SORCS3: variants seen among roughly 807,000 people sequenced by gnomAD.
SORCS3 encodes the protein sortilin related VPS10 domain containing receptor 3, also known as VPS10 domain-containing receptor SorCS3.
A neutral mutation model predicts 146.3 loss-of-function variants in SORCS3; 57 were observed. The ratio of observed to expected loss-of-function variants is 0.39; its 90% CI spans 0.31 to 0.49. SORCS3 has a LOEUF of 0.49. Ranked by LOEUF, SORCS3 falls within the 20% of genes least tolerant of loss-of-function variation. The probability of loss-of-function intolerance (pLI) is 0.92; values close to 1 mark genes in which losing one functional copy is unlikely to be tolerated. For synonymous variants in SORCS3, 653 were observed against 618.5 expected (o/e 1.06, Z -0.83); for missense variants, 1,341 against 1,575.5 (o/e 0.85, Z 2.52).
intron 18 of SORCS3, among the ~76,000 whole-genome samples, chr10:105,216,402 T>TGAAACCA (rs558866077): frequency 3.0e-4 from 45 of 152,222 alleles, no homozygotes; most frequent in African/African-American, 1.1e-3. Context: ...GCATTATTAT[T>TGAAACCA]GAAACCAGAC....
At chr10:104,905,101 C>T (rs773823302) in intron 2 of SORCS3, among the ~76,000 whole-genome samples, 7 of 152,174 alleles carry the variant, frequency 4.6e-5, no homozygotes, top group East Asian at 1.9e-4. Flanking sequence ...CCCTACTACT[C>T]GGGTCTGTTG....
intron 1 of SORCS3, among the ~76,000 whole-genome samples, chr10:104,838,812 C>T (rs1415814714): frequency 6.6e-6 from 1 of 152,022 alleles, no homozygotes; most frequent in African/African-American, 2.4e-5. Flanking sequence ...AGAAGATTTT[C>T]GAATCCTACT....
intron 1 of SORCS3, among the ~76,000 whole-genome samples, chr10:104,724,711 T>A (rs1199077892): frequency 6.6e-6 from 1 of 152,240 alleles, no homozygotes; most frequent in Non-Finnish European, 1.5e-5. Flanking sequence ...CTCTTCTTGC[T>A]TCATTTCATT....
intron 20 of SORCS3, among the ~76,000 whole-genome samples, chr10:105,227,693 C>G (rs1466179571): frequency 6.6e-6 from 1 of 151,996 alleles, no homozygotes; most frequent in African/African-American, 2.4e-5. Context: ...TTTAGATCAA[C>G]TAATATTTGC....
intron 22 of SORCS3, 38 bp from the exon 23 acceptor site, chr10:105,252,737 C>T (rs759247805): frequency 6.2e-7 from 1 of 1,612,694 alleles, no homozygotes; most frequent in Admixed American, 1.7e-5. Flanking sequence ...GGAGGGCTGG[C>T]TCCTCCACAG....
rs1170855568 is a variant in SORCS3, at chr10:105,242,452, ATATATATTTATATATT to A, written c.2869-3058_2869-3043del. 6.1e-3 allele frequency among the ~76,000 whole-genome samples: 476 copies of A among 77,870 alleles called. 2 individuals carry two copies. The highest frequency in any genetic ancestry group is 0.01 in the South Asian group (23 of 2,204). 51.1% of individuals were successfully genotyped at this position (77,870 alleles called of 152,430 possible). A position where few individuals can be genotyped will look rare whatever the true frequency, so the allele number is the denominator to read the frequency against. Reference sequence around the variant, plus strand: ...TTTATACATATATTTATATATATTTATATATATTTATATATTTATATATTTATATATTTATATATTT... The same window carrying A: ...TTTATACATATATTTATATATATTTATATATATTTATATATTTATATATTT... On this transcript the variant is annotated intron_variant, in intron 20 of 26. Coordinates refer to ENST00000369701, the MANE Select transcript of SORCS3 (RefSeq NM_014978.3).
chr10:104,691,615 G>A (rs1046865952), intron 1 of SORCS3, among the ~76,000 whole-genome samples: 2 of 152,168 alleles, frequency 1.3e-5, no homozygotes, highest in Non-Finnish European at 2.9e-5. Flanking sequence ...TCAAGACATG[G>A]AGCAGATGCT....
At chr10:105,115,963 C>G (rs550783410) in intron 7 of SORCS3, among the ~76,000 whole-genome samples, 190 of 152,216 alleles carry the variant, frequency 1.2e-3, no homozygotes, top group African/African-American at 4.4e-3. Flanking sequence ...CAAAAGAAAT[C>G]CAATGAAGAC....
rs994878570 is a variant in SORCS3 at position 105,156,777 on chromosome 10, A to G, written c.1483-361A>G. Reference sequence around the variant, plus strand: ...ACAGGCCTCTTCTGAGCAGAAAAACATGTTTGCTGGAAGGGGTAACTCCTT... The same window carrying G: ...ACAGGCCTCTTCTGAGCAGAAAAACGTGTTTGCTGGAAGGGGTAACTCCTT... On this transcript the variant is annotated intron_variant, in intron 9 of 26. Coordinates refer to ENST00000369701, the MANE Select transcript of SORCS3 (RefSeq NM_014978.3). Among the ~76,000 whole-genome samples, 3 of 152,102 alleles carry G rather than the reference A, an allele frequency of 2.0e-5. 1 individual carries two copies. Among genetic ancestry groups the G allele is most frequent in the Admixed American group, 2.0e-4 (3 of 15,274 alleles).
At chr10:105,044,635 A>G (rs566460695) in intron 5 of SORCS3, among the ~76,000 whole-genome samples, 2 of 152,000 alleles carry the variant, frequency 1.3e-5, no homozygotes, top group Admixed American at 6.6e-5. Flanking sequence ...CCACAAAACT[A>G]TGTTTAGATT....
intron 23 of SORCS3, among the ~76,000 whole-genome samples, chr10:105,254,370 C>G (rs1032418383): frequency 6.6e-6 from 1 of 152,206 alleles, no homozygotes; most frequent in Non-Finnish European, 1.5e-5. Flanking sequence ...GATAAAAGAG[C>G]AGTGAATTAG....
At chr10:104,849,131 C>T (rs1589522603) in intron 2 of SORCS3, among the ~76,000 whole-genome samples, 1 of 152,200 alleles carries the variant, frequency 6.6e-6, no homozygotes, top group South Asian at 2.1e-4. Context: ...AGAAAAACAG[C>T]CAGGCCTGGT....
intron 3 of SORCS3, among the ~76,000 whole-genome samples, chr10:104,960,925 A>C (rs1183149885): frequency 3.3e-5 from 5 of 152,196 alleles, no homozygotes; most frequent in Non-Finnish European, 5.9e-5. Flanking sequence ...GACAATCTGC[A>C]GTTCTTAAAT....
intron 3 of SORCS3, among the ~76,000 whole-genome samples, chr10:104,923,306 T>G (rs1169327976): frequency 2.0e-5 from 3 of 152,214 alleles, no homozygotes; most frequent in Non-Finnish European, 4.4e-5. Flanking sequence ...CTCATAGCTC[T>G]TAGTTATATG....
intron 20 of SORCS3, among the ~76,000 whole-genome samples, chr10:105,240,958 A>ATATC (rs1564792853): frequency 1.5e-4 from 23 of 149,222 alleles, no homozygotes; most frequent in South Asian, 1.1e-3. Flanking sequence ...ATATATATAT[A>ATATC]TATATCTATA....
At chr10:105,059,702 C>T (rs1275601846) in intron 5 of SORCS3, among the ~76,000 whole-genome samples, 1 of 152,186 alleles carries the variant, frequency 6.6e-6, no homozygotes, top group Non-Finnish European at 1.5e-5. Flanking sequence ...GGCTTGGGAT[C>T]ATCCATGTGA....
At chr10:105,170,243 G>C (rs1471928848) in intron 13 of SORCS3, among the ~76,000 whole-genome samples, 1 of 152,068 alleles carries the variant, frequency 6.6e-6, no homozygotes, top group African/African-American at 2.4e-5. Flanking sequence ...CGGAGTACTT[G>C]TCTGATTATG....
chr10:104,834,346 C>T (rs2018041569), intron 1 of SORCS3, among the ~76,000 whole-genome samples: 1 of 152,162 alleles, frequency 6.6e-6, no homozygotes, highest in South Asian at 2.1e-4. Flanking sequence ...ATATCTCCCT[C>T]ACCTCCCCTC....
At chr10:104,716,498 A>G (rs1398570456) in intron 1 of SORCS3, among the ~76,000 whole-genome samples, 1 of 152,048 alleles carries the variant, frequency 6.6e-6, no homozygotes, top group Non-Finnish European at 1.5e-5. Context: ...TGCTCACACT[A>G]ATCCAAGATG....
Sources: gnomAD v4.1 joint callset for allele counts (sites outside exome capture counted in the v4.1 genomes callset) on GRCh38, gnomAD v4.1.1 for gene constraint, MANE v1.5 for transcripts, NCBI Gene and HGNC (gene_info 2026-07-23, HGNC 2026-07-21) for gene names.